Variants in ANK1 observed in about 807,000 individuals in gnomAD.
ANK1 encodes the protein ankyrin 1.
ANK1 carries 51 observed loss-of-function variants against 210.4 expected under a neutral mutation model. The observed-to-expected ratio is 0.24, with a 90% CI of 0.19 to 0.31. ANK1 has a LOEUF of 0.31. Ranked by LOEUF, ANK1 falls within the 10% of genes least tolerant of loss-of-function variation. The pLI is 1.00. For missense variants in ANK1, 2,051 were observed against 2,504.4 expected, an observed-to-expected ratio of 0.82 and a Z score of 3.86; for synonymous variants, 967 against 1,025.9, an observed-to-expected ratio of 0.94 and a Z score of 1.10.
intron 14 of ANK1, 63 bp from the exon 15 acceptor site, chr8:41,715,137 C>T: frequency 1.4e-6 from 2 of 1,465,544 alleles, no homozygotes; most frequent in South Asian, 1.1e-5. Context: ...GAGAAAGGGC[C>T]CACAGCAAAG....
At chr8:41,741,130 G>A (rs1388978789) in intron 2 of ANK1, among the ~76,000 whole-genome samples, 2 of 152,188 alleles carry the variant, frequency 1.3e-5, no homozygotes, top group African/African-American at 4.8e-5. Flanking sequence ...ATGGAGGTAG[G>A]GGAGGGGAGG....
At chr8:41,781,499 G>A (rs1203173086) in intron 1 of ANK1, among the ~76,000 whole-genome samples, 2 of 152,202 alleles carry the variant, frequency 1.3e-5, no homozygotes, top group Admixed American at 1.3e-4. Flanking sequence ...CCCTCTCACT[G>A]TATTTTCACC....
At position 41,674,697 on chromosome 8, in the gene ANK1, A is replaced by G. The variant is rs535550885; in HGVS notation, c.4538-1785T>C. On this transcript the variant is annotated intron_variant, in intron 37 of 42. Coordinates refer to ENST00000289734, the MANE Select transcript of ANK1 (RefSeq NM_000037.4). ...TCCGCATGCATTCTCTTAATCTCCC[A>G]GGGAAGTTTTCTTCCCTGCAAGCCT... 1.2e-4 allele frequency among the ~76,000 whole-genome samples: 19 copies of G among 152,330 alleles called. 1 individual carries two copies. The East Asian group carries it at 3.7e-3, about 29-fold the overall frequency.
intron 1 of ANK1, among the ~76,000 whole-genome samples, chr8:41,871,550 G>A (rs1416786104): frequency 6.6e-6 from 1 of 152,140 alleles, no homozygotes; most frequent in South Asian, 2.1e-4. Flanking sequence ...AAGATCGGGG[G>A]GCGATGTTTC....
rs1255211880 is a variant in ANK1, at chr8:41,762,152, C to T, written c.28-4015G>A. 2.6e-5 allele frequency among the ~76,000 whole-genome samples: 4 copies of T among 152,208 alleles called. No homozygotes were observed. The East Asian group carries it at 7.7e-4, about 29-fold the overall frequency. On this transcript the variant is annotated intron_variant, in intron 1 of 42. Transcript: ENST00000289734. ...CACAGCGGCAGGAGCCCCTTCTCAC[C>T]TCCCTTGTCCTCTGTGACATTCTCA...
rs1811268480 is a variant in ANK1 at position 41,668,550 on chromosome 8, T to A, written c.5111A>T (p.Asp1704Val). The A allele has an allele frequency of 6.2e-7, 1 of 1,613,254 alleles. No individual in the cohort carries two copies. The highest frequency in any genetic ancestry group is 1.3e-5 in the African/African-American group (1 of 74,914). The change falls in exon 39 of 43, where the codon GAT (aspartate) becomes GTT (valine). Residue 1704 changes from aspartate to valine, a missense_variant. This residue lies in a region of ANK1 where 496 missense variants were observed against 533.4 expected (regional missense o/e 0.93). Coordinates refer to ENST00000289734, the MANE Select transcript of ANK1 (RefSeq NM_000037.4). Reference protein sequence around the residue: ...ERSQDRLQDWDADGSIVSYLQ... With the variant: ...ERSQDRLQDWVADGSIVSYLQ... ...GTATGAGACAATCGAGCCGTCTGCA[T>A]CCCAGTCCTGCAGTCTGGGGTCCAG...
At chr8:41,859,070 C>G (rs141928382) in intron 1 of ANK1, among the ~76,000 whole-genome samples, 1 of 152,220 alleles carries the variant, frequency 6.6e-6, no homozygotes, top group Admixed American at 6.5e-5. Flanking sequence ...AGGAACAGGA[C>G]GCTGAAAGGG....
chr8:41,713,389 C>T (rs542274830), intron 16 of ANK1, among the ~76,000 whole-genome samples: 36 of 152,356 alleles, frequency 2.4e-4, no homozygotes, highest in South Asian at 1.2e-3. Context: ...CAAAAATGGT[C>T]CTTCCAGCTT....
chr8:41,690,717 GGT>G, intron 31 of ANK1, 118 bp from the exon 32 acceptor site: 2 of 1,472,978 alleles, frequency 1.4e-6, no homozygotes. Context: ...GAGGCATGCG[GGT>G]GTGTGCTGAG....
At chr8:41,890,602 T>C (rs1378079461) in intron 1 of ANK1, among the ~76,000 whole-genome samples, 1 of 149,622 alleles carries the variant, frequency 6.7e-6, no homozygotes, top group Non-Finnish European at 1.5e-5. Flanking sequence ...CCAGCTACTC[T>C]GGAGGCTGAG....
intron 1 of ANK1, among the ~76,000 whole-genome samples, chr8:41,861,340 C>T (rs908184654): frequency 1.3e-4 from 20 of 152,266 alleles, no homozygotes; most frequent in Admixed American, 1.2e-3. Flanking sequence ...TGCTCCATGA[C>T]GAAAGGGTTC....
chr8:41,731,438 A>G (rs1832152053), intron 3 of ANK1, among the ~76,000 whole-genome samples: 1 of 152,326 alleles, frequency 6.6e-6, no homozygotes, highest in South Asian at 2.1e-4. Flanking sequence ...GTCCCCATTC[A>G]TTAACAGCTT....
chr8:41,803,068 G>A (rs1587078118), intron 1 of ANK1, among the ~76,000 whole-genome samples: 11 of 63,104 alleles, frequency 1.7e-4, no homozygotes, highest in African/African-American at 5.8e-4. Flanking sequence ...AGAAAGGAAG[G>A]AAGGAAGGAA....
intron 1 of ANK1, among the ~76,000 whole-genome samples, chr8:41,890,537 C>T (rs186064665): frequency 6.6e-6 from 1 of 151,994 alleles, no homozygotes; most frequent in African/African-American, 2.4e-5. Flanking sequence ...GGTGAAATGC[C>T]GTCTCTACTA....
intron 1 of ANK1, among the ~76,000 whole-genome samples, chr8:41,787,607 G>A (rs1446684071): frequency 1.3e-5 from 2 of 152,166 alleles, no homozygotes; most frequent in East Asian, 1.9e-4. Flanking sequence ...TGTCTCTTAA[G>A]TAAATAGCAG....
intron 1 of ANK1, among the ~76,000 whole-genome samples, chr8:41,888,900 AG>A (rs1317209240): frequency 5.3e-5 from 8 of 152,240 alleles, no homozygotes; most frequent in Non-Finnish European, 1.2e-4. Flanking sequence ...CGGAGGCCAC[AG>A]GCTTTGCCCT....
chr8:41,664,282 G>C (rs1809597464), intron 39 of ANK1: 1 of 407,316 alleles, frequency 2.5e-6, no homozygotes, highest in African/African-American at 2.1e-5. Flanking sequence ...GACCAATTTG[G>C]GCAACATAGC....
In ANK1 at chr8:41,811,833, T is replaced by C. The variant is rs566757148; in HGVS notation, c.127-53696A>G. On this transcript the variant is annotated intron_variant, in intron 1 of 42. Coordinates refer to the ANK1 transcript ENST00000265709. ...CTATTGTTATTATTATTATTGTTAATTTCTCTGACTATACTTTTAGTTTGT... is the reference window on the plus strand; with the variant it reads ...CTATTGTTATTATTATTATTGTTAACTTCTCTGACTATACTTTTAGTTTGT... 2.3e-4 allele frequency among the ~76,000 whole-genome samples: 35 copies of C among 152,368 alleles called. No homozygotes were observed. In the South Asian group the frequency reaches 7.2e-3, roughly 32 times the overall value.
intron 2 of ANK1, among the ~76,000 whole-genome samples, chr8:41,734,483 G>A (rs1832942271): frequency 6.6e-6 from 1 of 152,194 alleles, no homozygotes; most frequent in Non-Finnish European, 1.5e-5. Context: ...CTAAATACTT[G>A]TAGAAATAGA....
Sources: allele counts gnomAD v4.1 joint callset (sites outside exome capture counted in the v4.1 genomes callset), GRCh38; gene constraint gnomAD v4.1.1; regional missense constraint gnomAD v4.1.1; transcripts MANE v1.5; gene names NCBI Gene and HGNC (gene_info 2026-07-23, HGNC 2026-07-21).